CFAP95: variants seen among roughly 807,000 people sequenced by gnomAD.
The protein encoded by CFAP95 is cilia- and flagella-associated protein 95.
chr9:69,823,837 G>A, the CFAP95 span, among the ~76,000 whole-genome samples: 4 of 152,210 alleles, frequency 2.6e-5, no homozygotes, highest in African/African-American at 9.6e-5. Flanking sequence ...AAGATGCTCA[G>A]TGGTGGAGCT....
At chr9:69,826,125 C>T in the CFAP95 span, among the ~76,000 whole-genome samples, 1 of 152,010 alleles carries the variant, frequency 6.6e-6, no homozygotes, top group African/African-American at 2.4e-5. Context: ...TGGGCTGGGG[C>T]AATAAATTAG....
the CFAP95 span, chr9:69,856,728 G>A: frequency 7.8e-7 from 1 of 1,274,374 alleles, no homozygotes; most frequent in South Asian, 1.3e-5. Flanking sequence ...GAAAGGACTT[G>A]TATAAGTAGC....
the CFAP95 span, among the ~76,000 whole-genome samples, chr9:69,829,633 C>T: frequency 3.3e-5 from 5 of 152,182 alleles, no homozygotes; most frequent in Admixed American, 2.6e-4. Context: ...TGTAGTCTTT[C>T]CTCTCACAGA....
At chr9:69,903,916 G>T in the CFAP95 span, among the ~76,000 whole-genome samples, 1 of 152,070 alleles carries the variant, frequency 6.6e-6, no homozygotes, top group Non-Finnish European at 1.5e-5. Flanking sequence ...TAGAGACGTG[G>T]TCTCACTGTG....
chr9:69,883,616 G>T, the CFAP95 span, among the ~76,000 whole-genome samples: 9 of 152,094 alleles, frequency 5.9e-5, no homozygotes, highest in African/African-American at 2.2e-4. Flanking sequence ...GTCTTGGTAG[G>T]TTGTATGTGT....
chr9:69,839,581 C>T, the CFAP95 span, among the ~76,000 whole-genome samples: 26,198 of 151,570 alleles, frequency 0.17, 2,409 homozygotes, highest in East Asian at 0.31. Flanking sequence ...CACGTGCCAC[C>T]GTGCCCAGCT....
the CFAP95 span, among the ~76,000 whole-genome samples, chr9:69,843,619 T>TTCTTCGTCTTCG: frequency 1.7e-5 from 1 of 57,788 alleles, no homozygotes; most frequent in Non-Finnish European, 3.1e-5. Context: ...CTTCTTCTTC[T>TTCTTCGTCTTCG]TCTTCTTCTT....
chr9:69,868,001 C>A, the CFAP95 span, among the ~76,000 whole-genome samples: 3 of 152,160 alleles, frequency 2.0e-5, no homozygotes, highest in African/African-American at 7.2e-5. Flanking sequence ...CAAGCCATAA[C>A]AATAGGTAAT....
the CFAP95 span, among the ~76,000 whole-genome samples, chr9:69,890,880 AAGAAATAC>A: frequency 6.6e-6 from 1 of 152,202 alleles, no homozygotes; most frequent in African/African-American, 2.4e-5. Flanking sequence ...AGCATTGGTA[AAGAAATAC>A]AGAGGATTAG....
At chr9:69,860,285 A>C in the CFAP95 span, among the ~76,000 whole-genome samples, 3 of 152,134 alleles carry the variant, frequency 2.0e-5, no homozygotes, top group African/African-American at 7.2e-5. Flanking sequence ...GCTTTTACTC[A>C]TGGCAGAAGG....
At chr9:69,835,642 A>G in the CFAP95 span, among the ~76,000 whole-genome samples, 1 of 152,356 alleles carries the variant, frequency 6.6e-6, no homozygotes, top group East Asian at 1.9e-4. Context: ...TAATCAATCA[A>G]TCAGTCAATC....
chr9:69,832,830 T>A, the CFAP95 span, among the ~76,000 whole-genome samples: 14 of 152,014 alleles, frequency 9.2e-5, 1 homozygote, highest in Non-Finnish European at 1.6e-4. Context: ...TATCTCCCAA[T>A]GGTATCCCTC....
At chr9:69,840,413 A>G in the CFAP95 span, among the ~76,000 whole-genome samples, 1 of 152,200 alleles carries the variant, frequency 6.6e-6, no homozygotes, top group African/African-American at 2.4e-5. Context: ...CCTGTTGTAG[A>G]TATTATCATT....
chr9:69,871,450 CAG>C, the CFAP95 span, among the ~76,000 whole-genome samples: 21 of 151,718 alleles, frequency 1.4e-4, no homozygotes, highest in African/African-American at 4.8e-4. Flanking sequence ...GTTTAGAAAA[CAG>C]AGAACAGATT....
chr9:69,838,396 C>T, the CFAP95 span, among the ~76,000 whole-genome samples: 1 of 151,088 alleles, frequency 6.6e-6, no homozygotes, highest in Non-Finnish European at 1.5e-5. Context: ...TTTGTATCCT[C>T]TTTTATTTCC....
the CFAP95 span, among the ~76,000 whole-genome samples, chr9:69,831,706 G>T: frequency 4.2e-4 from 64 of 152,210 alleles, no homozygotes; most frequent in Non-Finnish European, 7.9e-4. Flanking sequence ...TTTCAGAGGA[G>T]GTTCACCTGG....
the CFAP95 span, among the ~76,000 whole-genome samples, chr9:69,877,663 C>A: frequency 6.6e-6 from 1 of 152,116 alleles, no homozygotes; most frequent in Non-Finnish European, 1.5e-5. Flanking sequence ...CTGAAACTTG[C>A]CTATTGTTAT....
chr9:69,844,617 G>A, the CFAP95 span: 21 of 1,605,562 alleles, frequency 1.3e-5, no homozygotes, highest in East Asian at 4.5e-4. Context: ...GGGAACCGAT[G>A]AATCCCCAGT....
the CFAP95 span, among the ~76,000 whole-genome samples, chr9:69,880,920 G>A: frequency 6.6e-6 from 1 of 152,146 alleles, no homozygotes; most frequent in Non-Finnish European, 1.5e-5. Flanking sequence ...ATGATGTTGA[G>A]CACCTTTTCA....
Sources: allele counts gnomAD v4.1 joint callset (sites outside exome capture counted in the v4.1 genomes callset), GRCh38; gene constraint gnomAD v4.1.1; transcripts MANE v1.5; gene names NCBI Gene and HGNC (gene_info 2026-07-23, HGNC 2026-07-21).